SNTG1: variants seen among roughly 807,000 people sequenced by gnomAD.
The protein encoded by SNTG1 is syntrophin gamma 1.
In SNTG1, 39 loss-of-function variants were observed where a neutral mutation model predicts 74.7. The ratio of observed to expected loss-of-function variants is 0.52; its 90% CI spans 0.40 to 0.68. The LOEUF (loss-of-function observed/expected upper bound fraction) is 0.68, where lower values mean the gene tolerates loss of function less well. Among genes scored for constraint, SNTG1 ranks in the 30% least tolerant of loss-of-function variants. The pLI is 0.00. For synonymous variants in SNTG1, 254 were observed against 217.1 expected, an observed-to-expected ratio of 1.17 and a Z score of -1.49; for missense variants, 685 against 609.5, an observed-to-expected ratio of 1.12 and a Z score of -1.30.
chr8:50,765,676 A>C (rs2095611831), intron 18 of SNTG1, among the ~76,000 whole-genome samples: 1 of 151,956 alleles, frequency 6.6e-6, no homozygotes, highest in African/African-American at 2.4e-5. Context: ...TATTTTGATT[A>C]CTCTGATTGT....
chr8:50,702,452 T>G (rs546029705), intron 15 of SNTG1, among the ~76,000 whole-genome samples: 3 of 152,206 alleles, frequency 2.0e-5, no homozygotes, highest in Non-Finnish European at 4.4e-5. Flanking sequence ...TTCCATTAGC[T>G]CTCTTCCAGC....
At chr8:50,496,245 G>A (rs1220876948) in intron 8 of SNTG1, among the ~76,000 whole-genome samples, 5 of 152,060 alleles carry the variant, frequency 3.3e-5, no homozygotes, top group East Asian at 1.9e-4. Flanking sequence ...GCAGAAATAC[G>A]TCAATCTGAC....
chr8:50,562,753 A>T (rs1362375663), intron 12 of SNTG1, among the ~76,000 whole-genome samples: 2 of 152,192 alleles, frequency 1.3e-5, no homozygotes, highest in Non-Finnish European at 2.9e-5. Context: ...AACTCATGTC[A>T]TATGTAGCTT....
At chr8:50,029,784 A>G (rs1262440184) in intron 1 of SNTG1, among the ~76,000 whole-genome samples, 1 of 152,066 alleles carries the variant, frequency 6.6e-6, no homozygotes, top group African/African-American at 2.4e-5. Context: ...GATCTTGACT[A>G]TTGTCAATAG....
chr8:50,228,257 G>A (rs2085442474), intron 2 of SNTG1, among the ~76,000 whole-genome samples: 1 of 151,652 alleles, frequency 6.6e-6, no homozygotes, highest in Non-Finnish European at 1.5e-5. Flanking sequence ...AAAAGCAAAA[G>A]GAATAAAAGA....
chr8:50,709,117 T>A, intron 17 of SNTG1, 139 bp downstream of exon 17: 1 of 652,078 alleles, frequency 1.5e-6, no homozygotes, highest in South Asian at 2.0e-5. Context: ...TAATGGAAGA[T>A]AAATTATGCT....
intron 1 of SNTG1, among the ~76,000 whole-genome samples, chr8:50,135,578 C>T (rs2081445877): frequency 6.6e-6 from 1 of 151,848 alleles, no homozygotes; most frequent in South Asian, 2.1e-4. Context: ...ATGATAATTT[C>T]TCCTTAACCT....
chr8:50,514,696 A>G (rs1314170798), intron 9 of SNTG1, among the ~76,000 whole-genome samples: 1 of 152,140 alleles, frequency 6.6e-6, no homozygotes, highest in Non-Finnish European at 1.5e-5. Context: ...AAGAATGTAT[A>G]TTTTATTATT....
chr8:50,262,655 C>T (rs1296473447), intron 2 of SNTG1, among the ~76,000 whole-genome samples: 6 of 152,216 alleles, frequency 3.9e-5, no homozygotes, highest in African/African-American at 9.6e-5. Flanking sequence ...GTGATCCACT[C>T]GCCTCGGCCT....
chr8:50,615,475 T>A (rs2094879623), intron 13 of SNTG1, among the ~76,000 whole-genome samples: 1 of 152,020 alleles, frequency 6.6e-6, no homozygotes, highest in Admixed American at 6.6e-5. Context: ...AAAAGCAGGA[T>A]GAGGAGGAAG....
intron 1 of SNTG1, among the ~76,000 whole-genome samples, chr8:49,997,553 C>T (rs898212967): frequency 1.3e-5 from 2 of 152,036 alleles, no homozygotes; most frequent in East Asian, 1.9e-4. Flanking sequence ...TTTAAGGTTA[C>T]CACCAAGCCT....
intron 2 of SNTG1, among the ~76,000 whole-genome samples, chr8:50,274,974 C>A (rs2088010461): frequency 2.0e-5 from 3 of 152,050 alleles, no homozygotes; most frequent in Admixed American, 1.3e-4. Flanking sequence ...ATTTGATTTG[C>A]CAATATTTTT....
At chr8:50,733,823 G>A (rs570335758) in intron 17 of SNTG1, among the ~76,000 whole-genome samples, 57 of 150,790 alleles carry the variant, frequency 3.8e-4, no homozygotes, top group Non-Finnish European at 7.8e-4. Context: ...ACATTTTATC[G>A]TATTTTATAC....
At chr8:50,471,301 G>A (rs930482996) in intron 8 of SNTG1, among the ~76,000 whole-genome samples, 1 of 149,998 alleles carries the variant, frequency 6.7e-6, no homozygotes, top group Non-Finnish European at 1.5e-5. Context: ...AATAGACATT[G>A]CTTCAATTTT....
intron 8 of SNTG1, among the ~76,000 whole-genome samples, chr8:50,485,536 A>G (rs1388826844): frequency 6.6e-6 from 1 of 150,896 alleles, no homozygotes. Flanking sequence ...TTTCTTGTAA[A>G]TTTGTTTGAG....
At chr8:50,572,868 A>T (rs996056624) in intron 12 of SNTG1, among the ~76,000 whole-genome samples, 1 of 152,102 alleles carries the variant, frequency 6.6e-6, no homozygotes, top group African/African-American at 2.4e-5. Context: ...AAATTGGAGG[A>T]ATGTTTCTAG....
intron 2 of SNTG1, among the ~76,000 whole-genome samples, chr8:50,388,229 T>C (rs549862158): frequency 6.6e-6 from 1 of 152,272 alleles, no homozygotes; most frequent in Admixed American, 6.5e-5. Context: ...CTACTTTCTA[T>C]ACCATGGTTA....
intron 2 of SNTG1, among the ~76,000 whole-genome samples, chr8:50,257,642 G>A (rs2086950934): frequency 1.3e-5 from 2 of 152,194 alleles, no homozygotes; most frequent in Admixed American, 1.3e-4. Context: ...CCTTGGCGAT[G>A]GCCTTGAGCA....
intron 15 of SNTG1, among the ~76,000 whole-genome samples, chr8:50,672,947 C>T (rs1271903740): frequency 6.6e-6 from 1 of 152,116 alleles, no homozygotes. Context: ...ATAGGGAATC[C>T]TTTTCCCATG....
Sources: gnomAD v4.1 joint callset for allele counts (sites outside exome capture counted in the v4.1 genomes callset) on GRCh38, gnomAD v4.1.1 for gene constraint, MANE v1.5 for transcripts, NCBI Gene and HGNC (gene_info 2026-07-23, HGNC 2026-07-21) for gene names.